RIPK1: variants seen among roughly 807,000 people sequenced by gnomAD.
RIPK1 encodes the protein receptor-interacting serine/threonine-protein kinase 1.
Under a neutral mutation model 62.4 loss-of-function variants are expected in RIPK1, and 27 were observed. That is an observed-to-expected ratio of 0.43 (90% CI 0.32 to 0.60). The LOEUF (loss-of-function observed/expected upper bound fraction) is 0.60. Ranked by LOEUF, RIPK1 falls within the 20% of genes least tolerant of loss-of-function variation. The pLI is 0.07. For missense variants in RIPK1, 735 were observed against 831.0 expected (o/e 0.88, Z 1.42); for synonymous variants, 287 against 303.2 (o/e 0.95, Z 0.55).
intron 7 of RIPK1, among the ~76,000 whole-genome samples, chr6:3,093,941 C>G (rs1412938091): frequency 1.9e-4 from 19 of 97,522 alleles, no homozygotes; most frequent in Non-Finnish European, 3.6e-4. Flanking sequence ...CCTGCCGCAC[C>G]TAGTAACCGC....
chr6:3,081,583 G>A (rs894181316), intron 4 of RIPK1, among the ~76,000 whole-genome samples: 2 of 152,078 alleles, frequency 1.3e-5, no homozygotes, highest in Admixed American at 6.6e-5. Flanking sequence ...ATCAGCGGCC[G>A]GGTGCAGTGG....
In RIPK1 at chr6:3,076,979, C is replaced by G; in HGVS notation, c.156C>G (p.Asn52Lys). 6.3e-7 allele frequency: 1 copy of G among 1,589,408 alleles called. No homozygotes were observed. The highest frequency in any genetic ancestry group is 1.1e-5 in the South Asian group (1 of 89,726). Reference sequence around the variant, plus strand: ...TGAAAACAGTGTACAAGGGGCCCAACTGCATTGAGTGAGTAGGGAGCAGGG... The same window carrying G: ...TGAAAACAGTGTACAAGGGGCCCAAGTGCATTGAGTGAGTAGGGAGCAGGG... ...MIMKTVYKGPNCIEHNEALLE... is the reference protein window; with the variant it reads ...MIMKTVYKGPKCIEHNEALLE... Residue 52 changes from asparagine (N) to lysine (K), a missense_variant, in exon 2 of 11, where the codon AAC becomes AAG. Around this residue, in one of 2 missense-constraint regions of RIPK1, gnomAD observed 671 missense variants for 726.2 expected, o/e 0.92. Transcript: ENST00000259808.
intron 4 of RIPK1, 56 bp from the exon 5 acceptor site, chr6:3,083,029 T>A: frequency 2.6e-6 from 4 of 1,548,964 alleles, no homozygotes; most frequent in Non-Finnish European, 3.6e-6. Flanking sequence ...GAAAGTCAGA[T>A]CTGATTTGCT....
At chr6:3,068,057 A>G (rs572940106), upstream of RIPK1, 145 of 296,456 alleles carry the variant, frequency 4.9e-4, no homozygotes, top group African/African-American at 3.1e-3. Context: ...TGTGCATATA[A>G]TTTTATTATT....
rs17548383 is a variant in RIPK1, at chr6:3,085,270, G to A, written c.700G>A (p.Glu234Lys). The change falls in exon 6 of 11, where the codon GAG becomes AAG. Residue 234 changes from glutamate (E) to lysine (K), a missense_variant. By Grantham distance (56) the Glu-to-Lys change is moderately conservative (BLOSUM62 1). Around this residue, in one of 2 missense-constraint regions of RIPK1, gnomAD observed 671 missense variants for 726.2 expected, o/e 0.92. Coordinates refer to ENST00000259808, the MANE Select transcript of RIPK1 (RefSeq NM_001354930.2). ...NKEPYENAIC[E>K]QQLIMCIKSG... ...TCTTTGCTTTGTAGATGCTATCTGT[G>A]AGCAGCAGTTGATAATGTGCATAAA... The A allele has an allele frequency of 3.4e-4, 553 of 1,614,206 alleles. 3 individuals carry two copies. The African/African-American group carries it at 6.9e-3, about 20-fold the overall frequency.
At position 3,110,792 on chromosome 6, in the gene RIPK1, T is replaced by G; in HGVS notation, c.1577-11T>G. On this transcript the variant is annotated splice_polypyrimidine_tract_variant and intron_variant, in intron 9 of 10. Transcript: ENST00000259808. ...CTAGAATTACTTACCTGTGTGTTTC[T>G]CTCTATGCAGATGAATCTATAAAAT... The G allele has an allele frequency of 6.5e-7, 1 of 1,534,848 alleles. No individual in the cohort carries two copies. The highest frequency in any genetic ancestry group is 1.2e-5 in the South Asian group (1 of 84,918).
At chr6:3,098,778 T>C (rs965817166) in intron 7 of RIPK1, among the ~76,000 whole-genome samples, 2 of 152,118 alleles carry the variant, frequency 1.3e-5, no homozygotes, top group Non-Finnish European at 2.9e-5. Context: ...GAGTTGGAGA[T>C]TGGGGTGCAA....
chr6:3,071,951 G>A (rs1446493661), intron 1 of RIPK1, among the ~76,000 whole-genome samples: 1 of 152,248 alleles, frequency 6.6e-6, no homozygotes, highest in Non-Finnish European at 1.5e-5. Context: ...AGGGCATGTT[G>A]TAGTTCCTGC....
upstream of RIPK1, among the ~76,000 whole-genome samples, chr6:3,067,475 T>C (rs1758433540): frequency 6.6e-6 from 1 of 152,198 alleles, no homozygotes; most frequent in East Asian, 1.9e-4. Context: ...TAAATTGCAA[T>C]TCTTTAATGA....
chr6:3,068,501 G>C lies in RIPK1; in HGVS notation c.-221G>C. The C allele has an allele frequency of 3.0e-6, 3 of 985,242 alleles. No homozygotes were observed. Among genetic ancestry groups the C allele is most frequent in the Non-Finnish European group, 3.6e-6 (3 of 829,828 alleles). 61.0% of individuals were successfully genotyped at this position (985,242 alleles called of 1,614,324 possible). On this transcript the variant is annotated 5_prime_UTR_variant, in exon 1 of 11. Transcript: ENST00000259808. ...GGAGGAGGCAGCGCGAACAGTCCAC[G>C]CCCTCCAGCCGGGCGCGCTCGACGC...
At chr6:3,068,112 G>C (rs1366910945), upstream of RIPK1, 3 of 687,868 alleles carry the variant, frequency 4.4e-6, no homozygotes, top group East Asian at 1.3e-4. Context: ...AACTTTGCTC[G>C]AGACTTCACA....
chr6:3,090,388 G>A (rs544587765), intron 7 of RIPK1, among the ~76,000 whole-genome samples: 2 of 152,094 alleles, frequency 1.3e-5, no homozygotes, highest in South Asian at 4.2e-4. Context: ...AATAAAACAG[G>A]CAGAGACTTT....
chr6:3,069,805 G>C (rs1164262585), intron 1 of RIPK1, among the ~76,000 whole-genome samples: 1 of 152,228 alleles, frequency 6.6e-6, no homozygotes, highest in East Asian at 1.9e-4. Flanking sequence ...GAGGTCAGGA[G>C]TTCGAGACCA....
intron 1 of RIPK1, among the ~76,000 whole-genome samples, chr6:3,069,154 ATGT>A (rs34440012): frequency 6.6e-6 from 1 of 151,914 alleles, no homozygotes; most frequent in Non-Finnish European, 1.5e-5. Flanking sequence ...CACGCCATTA[ATGT>A]TGTTTTGGTG....
intron 6 of RIPK1, among the ~76,000 whole-genome samples, chr6:3,087,756 G>C (rs373814607): frequency 9.3e-5 from 14 of 149,980 alleles, no homozygotes; most frequent in African/African-American, 1.7e-4. Flanking sequence ...AGCCAGGATG[G>C]TCTCCATCTC....
chr6:3,071,922 A>G lies in RIPK1; in HGVS notation c.-61+3261A>G, dbSNP rs1758732211. ...ACTCCTCATAAAGTAGAAACCTTTT[A>G]CTCAAAAGGGCATTTTTCAGGGCAT... On this transcript the variant is annotated intron_variant, in intron 1 of 10. Transcript: ENST00000259808. Among the ~76,000 whole-genome samples, 3 of 152,230 alleles carry G rather than the reference A, an allele frequency of 2.0e-5. No individual in the cohort carries two copies. In the South Asian group the frequency reaches 6.2e-4, roughly 31 times the overall value.
chr6:3,076,693 A>G, intron 1 of RIPK1, 71 bp from the exon 2 acceptor site: 1 of 105,512 alleles, frequency 9.5e-6, no homozygotes, highest in Non-Finnish European at 1.2e-5. Context: ...AGGAGAAAAA[A>G]AAAAACATAT....
At chr6:3,109,395 C>T (rs1019649823) in intron 9 of RIPK1, among the ~76,000 whole-genome samples, 2 of 152,002 alleles carry the variant, frequency 1.3e-5, no homozygotes, top group African/African-American at 4.8e-5. Flanking sequence ...GGACTGGAGT[C>T]TCTGGAGTGG....
chr6:3,111,806 T>G (rs1218691513), intron 10 of RIPK1, among the ~76,000 whole-genome samples: 1 of 152,142 alleles, frequency 6.6e-6, no homozygotes, highest in East Asian at 1.9e-4. Context: ...GAGAATCTAA[T>G]GAAACCCAGG....
Sources: allele counts gnomAD v4.1 joint callset (sites outside exome capture counted in the v4.1 genomes callset), GRCh38; gene constraint gnomAD v4.1.1; regional missense constraint gnomAD v4.1.1; transcripts MANE v1.5; gene names NCBI Gene and HGNC (gene_info 2026-07-23, HGNC 2026-07-21).